Variants in TUBB8 observed in about 807,000 individuals in gnomAD.
TUBB8 encodes tubulin beta 8 class VIII, also known as tubulin beta-8 chain.
Under a neutral mutation model 33.7 loss-of-function variants are expected in TUBB8, and 25 were observed. The observed-to-expected ratio is 0.74, with a 90% CI of 0.54 to 1.04. The LOEUF is 1.04. Among genes scored for constraint, TUBB8 ranks in the 50% least tolerant of loss-of-function variants. The pLI, the probability that TUBB8 is intolerant of heterozygous loss-of-function variation, is 0.00. For synonymous variants in TUBB8, 245 were observed against 240.1 expected, an observed-to-expected ratio of 1.02 and a Z score of -0.19; for missense variants, 279 against 608.0, an observed-to-expected ratio of 0.46 and a Z score of 5.69.
chr10:69,593 C>T (rs1323341180), intron 1 of TUBB8, among the ~76,000 whole-genome samples: 1 of 152,040 alleles, frequency 6.6e-6, no homozygotes, highest in Non-Finnish European at 1.5e-5. Context: ...CAGTGTTGAA[C>T]GAAAGGCAAA....
At chr10:49,674 G>C (rs1161404158), upstream of TUBB8, 14 of 435,872 alleles carry the variant, frequency 3.2e-5, no homozygotes, top group East Asian at 1.4e-4. Context: ...GGAGATCTGT[G>C]GTTAGGAAAG....
chr10:64,935 G>C (rs1554741362), intron 1 of TUBB8, among the ~76,000 whole-genome samples: 1 of 145,116 alleles, frequency 6.9e-6, no homozygotes, highest in African/African-American at 2.6e-5. Context: ...CCAGAAGCTT[G>C]AGACCAGCCT....
At position 57,289 on chromosome 10, in the gene TUBB8, A is replaced by C. The variant is rs868995589; in HGVS notation, c.-845-7056T>G. On this transcript the variant is annotated intron_variant, in intron 1 of 3. Transcript: ENST00000564130. ...CAAAGTGCAAGCTGTAGCTAGATCT[A>C]CCATTCTGGGGTCTGGAGGACAGTG... 7.9e-5 allele frequency among the ~76,000 whole-genome samples: 12 copies of C among 152,270 alleles called. No individual in the cohort carries two copies. The South Asian group carries it at 1.0e-3, about 13-fold the overall frequency.
intron 1 of TUBB8, among the ~76,000 whole-genome samples, chr10:72,591 C>T (rs1834751797): frequency 6.6e-6 from 1 of 151,142 alleles, no homozygotes; most frequent in African/African-American, 2.4e-5. Context: ...CAGTGGCTCA[C>T]GCATGTAATC....
At chr10:66,789 C>G (rs1194902356) in intron 1 of TUBB8, among the ~76,000 whole-genome samples, 2 of 152,114 alleles carry the variant, frequency 1.3e-5, no homozygotes, top group African/African-American at 2.4e-5. Flanking sequence ...TTGGGCAGGA[C>G]AGCAAGACCC....
At chr10:70,701 A>G (rs2379057) in intron 1 of TUBB8, among the ~76,000 whole-genome samples, 171 of 152,164 alleles carry the variant, frequency 1.1e-3, no homozygotes, top group African/African-American at 3.6e-3. Flanking sequence ...TCAGCCAGGC[A>G]TGGTGGCGCA....
chr10:52,268 G>C (rs189351294), upstream of TUBB8, among the ~76,000 whole-genome samples: 7 of 152,236 alleles, frequency 4.6e-5, no homozygotes, highest in Admixed American at 3.9e-4. Flanking sequence ...CAGCCCACTT[G>C]CCAGCTAAAT....
intron 1 of TUBB8, among the ~76,000 whole-genome samples, chr10:66,257 A>T (rs1355835417): frequency 6.6e-6 from 1 of 152,258 alleles, no homozygotes; most frequent in Non-Finnish European, 1.5e-5. Context: ...CCCCCAAAAT[A>T]TTATTAAAAC....
intron 1 of TUBB8, among the ~76,000 whole-genome samples, chr10:64,975 T>TAAAAAAAAAAAAAAAA (rs61340461): frequency 0.012 from 1,432 of 117,860 alleles, no homozygotes; most frequent in Non-Finnish European, 0.017. Flanking sequence ...CCATCTCCAC[T>TAAAAAAAAAAAAAAAA]AAAAAAAAAA....
At position 47,570 on chromosome 10, in the gene TUBB8, G is replaced by A; in HGVS notation, c.822C>T (p.Thr274=). 1.2e-6 allele frequency: 2 copies of A among 1,611,392 alleles called. No individual in the cohort carries two copies. Among genetic ancestry groups the A allele is most frequent in the Admixed American group, 1.7e-5 (1 of 60,018 alleles). The change falls in exon 4 of 4, where the codon ACC becomes ACT. Residue 274 remains threonine, a synonymous_variant. Transcript: ENST00000568584. ...CCCGGTACTGCTGGCTGCCCCGGCT[G>A]GTCAGTGGGGCAAAGCCGGGCATGA... The part of the protein sequence containing the change: ...HFFMPGFAPL[T]SRGSQQYRAL...
chr10:60,754 C>G (rs1204309530), intron 1 of TUBB8, among the ~76,000 whole-genome samples: 1 of 152,128 alleles, frequency 6.6e-6, no homozygotes, highest in Non-Finnish European at 1.5e-5. Flanking sequence ...GTAAATCATG[C>G]TGCTGTAAAG....
At chr10:63,615 A>G (rs1305191328) in intron 1 of TUBB8, among the ~76,000 whole-genome samples, 6 of 152,156 alleles carry the variant, frequency 3.9e-5, no homozygotes, top group Non-Finnish European at 7.3e-5. Context: ...TTGCATTTTA[A>G]CTTCAGAATT....
chr10:75,187 T>A (rs1279768907), upstream of TUBB8, among the ~76,000 whole-genome samples: 3 of 148,176 alleles, frequency 2.0e-5, no homozygotes, highest in African/African-American at 7.5e-5. Context: ...CCAGCCAAAT[T>A]TTTTTTTTTA....
At chr10:50,741 G>T (rs1421282768), upstream of TUBB8, among the ~76,000 whole-genome samples, 2 of 152,190 alleles carry the variant, frequency 1.3e-5, no homozygotes, top group East Asian at 3.8e-4. Context: ...TTTCCCAACT[G>T]CAGGGGCCTA....
intron 1 of TUBB8, among the ~76,000 whole-genome samples, chr10:59,377 T>C (rs1209248295): frequency 3.3e-5 from 5 of 152,130 alleles, no homozygotes; most frequent in African/African-American, 1.2e-4. Flanking sequence ...TTAGTAGATA[T>C]GGGGTTTTGC....
At chr10:75,654 C>CAAAAA (rs35362588), upstream of TUBB8, among the ~76,000 whole-genome samples, 3 of 93,552 alleles carry the variant, frequency 3.2e-5, no homozygotes, top group African/African-American at 4.5e-5. Flanking sequence ...GACTCTGTCT[C>CAAAAA]AAAAAAAAAA....
At chr10:66,678 T>C (rs370755161) in intron 1 of TUBB8, among the ~76,000 whole-genome samples, 1 of 147,612 alleles carries the variant, frequency 6.8e-6, no homozygotes, top group African/African-American at 2.5e-5. Context: ...ATTACATTTT[T>C]AAAAATCAAC....
chr10:59,893 G>C (rs373997757), intron 1 of TUBB8, among the ~76,000 whole-genome samples: 1 of 142,776 alleles, frequency 7.0e-6, no homozygotes, highest in East Asian at 1.9e-4. Flanking sequence ...TTTCCTCTAG[G>C]TTTTCTAATT....
chr10:75,326 G>T (rs1184367379), upstream of TUBB8, among the ~76,000 whole-genome samples: 1 of 151,846 alleles, frequency 6.6e-6, no homozygotes, highest in Non-Finnish European at 1.5e-5. Flanking sequence ...TCCAGCCTGG[G>T]TGACAGAGCA....
Sources: allele counts gnomAD v4.1 joint callset (sites outside exome capture counted in the v4.1 genomes callset), GRCh38; gene constraint gnomAD v4.1.1; transcripts MANE v1.5; gene names NCBI Gene and HGNC (gene_info 2026-07-23, HGNC 2026-07-21).